The following HECW1 variants were observed in gnomAD, a reference collection of about 807,000 sequenced individuals.
HECW1 encodes the protein E3 ubiquitin-protein ligase HECW1.
In HECW1, 61 loss-of-function variants were observed where a neutral mutation model predicts 182.3. The observed-to-expected ratio is 0.33, with a 90% CI of 0.27 to 0.41. The LOEUF is 0.41. HECW1 is among the 10% of genes least tolerant of loss of function. HECW1 has a pLI of 1.00. For synonymous variants in HECW1, 859 were observed against 832.6 expected, an observed-to-expected ratio of 1.03 and a Z score of -0.55; for missense variants, 1,739 against 2,108.9, an observed-to-expected ratio of 0.82 and a Z score of 3.44.
intron 1 of HECW1, among the ~76,000 whole-genome samples, chr7:43,113,216 C>T (rs1784771493): frequency 6.6e-6 from 1 of 152,108 alleles, no homozygotes. Context: ...ACAAAGAAGC[C>T]CCCAAGCGGG....
chr7:43,535,411 GT>G (rs569122278), intron 24 of HECW1, among the ~76,000 whole-genome samples: 77 of 152,300 alleles, frequency 5.1e-4, no homozygotes, highest in Non-Finnish European at 8.2e-4. Context: ...AGTGGCTGTA[GT>G]TTTCTTCAGC....
chr7:43,129,454 G>C (rs1295880227), intron 2 of HECW1, among the ~76,000 whole-genome samples: 1 of 152,146 alleles, frequency 6.6e-6, no homozygotes, highest in Non-Finnish European at 1.5e-5. Flanking sequence ...TAGACATAAT[G>C]CTATTGCACT....
intron 17 of HECW1, among the ~76,000 whole-genome samples, chr7:43,484,922 A>G (rs886465050): frequency 6.6e-6 from 1 of 152,206 alleles, no homozygotes; most frequent in African/African-American, 2.4e-5. Context: ...TGAATACTGG[A>G]TCCCATCTTA....
chr7:43,190,679 A>T (rs1793830365), intron 2 of HECW1, among the ~76,000 whole-genome samples: 1 of 152,308 alleles, frequency 6.6e-6, no homozygotes, highest in Non-Finnish European at 1.5e-5. Context: ...GAAATGCTCT[A>T]ACCATCCCAA....
chr7:43,481,265 G>A (rs530508129), intron 17 of HECW1, among the ~76,000 whole-genome samples: 1 of 152,150 alleles, frequency 6.6e-6, no homozygotes, highest in African/African-American at 2.4e-5. Flanking sequence ...TACAAGGTGG[G>A]TTGTCTTGAG....
At chr7:43,277,699 C>T (rs556662558) in intron 3 of HECW1, among the ~76,000 whole-genome samples, 1 of 152,272 alleles carries the variant, frequency 6.6e-6, no homozygotes, top group Admixed American at 6.5e-5. Context: ...ATTGTCTTCT[C>T]CCCTCTTCCA....
chr7:43,421,119 G>A (rs2076168410), intron 8 of HECW1, among the ~76,000 whole-genome samples: 1 of 152,152 alleles, frequency 6.6e-6, no homozygotes, highest in African/African-American at 2.4e-5. Flanking sequence ...AAATAGATGA[G>A]AATCCAGAAA....
At chr7:43,203,073 G>A (rs1357715227) in intron 2 of HECW1, among the ~76,000 whole-genome samples, 1 of 152,102 alleles carries the variant, frequency 6.6e-6, no homozygotes, top group Non-Finnish European at 1.5e-5. Context: ...CCTGTTTGGT[G>A]GTCTCTTCAC....
At chr7:43,508,745 T>C in intron 23 of HECW1, 2 of 542,764 alleles carry the variant, frequency 3.7e-6, no homozygotes, top group South Asian at 5.3e-5. Flanking sequence ...CCATAAGAGT[T>C]TATTCATGGA....
At chr7:43,451,903 A>G (rs192575190) in intron 12 of HECW1, among the ~76,000 whole-genome samples, 1 of 152,188 alleles carries the variant, frequency 6.6e-6, no homozygotes, top group East Asian at 1.9e-4. Flanking sequence ...TGCTTACATG[A>G]AGCAGTTACA....
chr7:43,246,852 C>CA (rs5883858), intron 3 of HECW1, among the ~76,000 whole-genome samples: 20,793 of 152,120 alleles, frequency 0.14, 2,692 homozygotes, highest in African/African-American at 0.34. Flanking sequence ...GAGCCTCTGC[C>CA]AGCCCAGTGG....
chr7:43,438,936 C>A (rs2076794745), intron 9 of HECW1: 2 of 152,102 alleles, frequency 1.3e-5, no homozygotes, highest in African/African-American at 4.8e-5. Flanking sequence ...ATTTAAAGTT[C>A]TTTGGATTAT....
At chr7:43,403,869 A>T (rs144881673) in intron 7 of HECW1, among the ~76,000 whole-genome samples, 1 of 152,216 alleles carries the variant, frequency 6.6e-6, no homozygotes, top group Non-Finnish European at 1.5e-5. Context: ...ATAACTTTAA[A>T]ATTCTATTTT....
rs372099246 is a variant in HECW1 at position 43,207,598 on chromosome 7, T to C, written c.-31-36277T>C. ...TCCCTCTTGTCTAGCTGAAATTTTA[T>C]GTCTTTCAACATACCTCTCCCTATC... On this transcript the variant is annotated intron_variant, in intron 2 of 29. Transcript: ENST00000395891. 9.2e-5 allele frequency among the ~76,000 whole-genome samples: 14 copies of C among 152,334 alleles called. No individual in the cohort carries two copies. The East Asian group carries it at 2.3e-3, about 25-fold the overall frequency.
At chr7:43,117,009 A>T (rs540999501) in intron 2 of HECW1, among the ~76,000 whole-genome samples, 21 of 152,238 alleles carry the variant, frequency 1.4e-4, no homozygotes, top group Non-Finnish European at 1.9e-4. Context: ...GCCTGTGGTT[A>T]TCTGATAACT....
Position 43,444,546 on chromosome 7 carries a change from G to A in HECW1, c.1374G>A (p.Leu458=). Reference sequence around the variant, plus strand: ...AGCCTGCCCCCAGTGCAGAAGAGCTGGCCGAGCAGCTGGACCTGGGTGAGG... The same window carrying A: ...AGCCTGCCCCCAGTGCAGAAGAGCTAGCCGAGCAGCTGGACCTGGGTGAGG... ...DIQPAPSAEE[L]AEQLDLGEEA... The change falls in exon 11 of 30, where the codon CTG becomes CTA. Residue 458 remains leucine (L), a synonymous_variant. Transcript: ENST00000395891. This position sits in a 1 kb window ranked among gnomAD's most constrained non-coding sequence, Gnocchi z 4.3. The A allele has an allele frequency of 6.2e-7, 1 of 1,611,106 alleles. No homozygotes were observed.
chr7:43,280,345 G>C (rs1433331741), intron 3 of HECW1, among the ~76,000 whole-genome samples: 1 of 152,126 alleles, frequency 6.6e-6, no homozygotes, highest in Non-Finnish European at 1.5e-5. Context: ...TGTCAGGGAG[G>C]GGCAGGACCT....
chr7:43,452,518 A>G (rs1416884614), intron 12 of HECW1, among the ~76,000 whole-genome samples: 2 of 152,236 alleles, frequency 1.3e-5, no homozygotes, highest in African/African-American at 2.4e-5. Context: ...ATAATCTCAA[A>G]TAGTACAAGA....
intron 24 of HECW1, among the ~76,000 whole-genome samples, chr7:43,516,216 C>T (rs530051109): frequency 6.6e-6 from 1 of 152,082 alleles, no homozygotes; most frequent in African/African-American, 2.4e-5. Flanking sequence ...TTCCTAGTCA[C>T]ATACTTGGCG....
Sources: allele counts gnomAD v4.1 joint callset (sites outside exome capture counted in the v4.1 genomes callset), GRCh38; gene constraint gnomAD v4.1.1; non-coding constraint Gnocchi (gnomAD v3.1); transcripts MANE v1.5; gene names NCBI Gene and HGNC (gene_info 2026-07-23, HGNC 2026-07-21).